USH2A: variants seen among roughly 807,000 people sequenced by gnomAD.
USH2A encodes usherin, also known as Usher syndrome 2A (autosomal recessive, mild).
A neutral mutation model predicts 538.9 loss-of-function variants in USH2A; 443 were observed. That is an observed-to-expected ratio of 0.82 (90% CI 0.76 to 0.89). The LOEUF (loss-of-function observed/expected upper bound fraction) is 0.89. USH2A is among the 40% of genes least tolerant of loss of function. The pLI is 0.00. For synonymous variants in USH2A, 2,413 were observed against 2,273.5 expected (o/e 1.06, Z -1.75); for missense variants, 6,633 against 6,324.8 (o/e 1.05, Z -1.65).
chr1:215,813,897 C>T lies in USH2A; in HGVS notation c.9578G>A (p.Cys3193Tyr). The T allele has an allele frequency of 6.2e-7, 1 of 1,613,648 alleles. No individual in the cohort carries two copies. ...ICYSSEAKVCCNGVLYNPKPG... is the reference protein window; with the variant it reads ...ICYSSEAKVCYNGVLYNPKPG... ...CTTGGGGTTATAGAGCACTCCGTTACAACAAACCTGAAAGTTTGAAAACAG... is the reference window on the plus strand; with the variant it reads ...CTTGGGGTTATAGAGCACTCCGTTATAACAAACCTGAAAGTTTGAAAACAG... The change falls in exon 49 of 72, where the codon TGT becomes TAT. Residue 3193 changes from cysteine to tyrosine, a missense_variant. Cys to Tyr is a radical substitution (Grantham distance 194). Coordinates refer to ENST00000307340, the MANE Select transcript of USH2A (RefSeq NM_206933.4).
intron 47 of USH2A, among the ~76,000 whole-genome samples, chr1:215,830,241 C>A (rs7514073): frequency 0.13 from 19,355 of 152,010 alleles, 1,608 homozygotes; most frequent in African/African-American, 0.23. Context: ...GCCTTGCAAG[C>A]CAGAGAGTAT....
chr1:215,731,885 GT>G (rs1227631344), intron 60 of USH2A, among the ~76,000 whole-genome samples: 3 of 152,184 alleles, frequency 2.0e-5, no homozygotes, highest in Non-Finnish European at 4.4e-5. Flanking sequence ...GAGGAGATAG[GT>G]TGGAGGTCCT....
At chr1:215,683,409 A>G (rs1658308231) in intron 61 of USH2A, among the ~76,000 whole-genome samples, 1 of 152,216 alleles carries the variant, frequency 6.6e-6, no homozygotes, top group South Asian at 2.1e-4. Flanking sequence ...GTTTTAGGAA[A>G]TAATTTATAT....
intron 21 of USH2A, among the ~76,000 whole-genome samples, chr1:216,165,347 A>G (rs2034146249): frequency 6.6e-6 from 1 of 152,188 alleles, no homozygotes; most frequent in Admixed American, 6.6e-5. Context: ...GTTTTCAGCA[A>G]CACAATGTGA....
chr1:215,993,727 C>A (rs1004899014), intron 34 of USH2A, among the ~76,000 whole-genome samples: 1 of 152,084 alleles, frequency 6.6e-6, no homozygotes, highest in Admixed American at 6.6e-5. Flanking sequence ...CATAAAACAA[C>A]AAATACAAAG....
chr1:215,711,343 T>C (rs1254908582), intron 61 of USH2A, among the ~76,000 whole-genome samples: 2 of 152,132 alleles, frequency 1.3e-5, no homozygotes, highest in African/African-American at 4.8e-5. Context: ...ACAGTGCTTG[T>C]TGTAAAAATG....
At chr1:216,244,969 G>A (rs957495692) in intron 13 of USH2A, among the ~76,000 whole-genome samples, 5 of 152,156 alleles carry the variant, frequency 3.3e-5, no homozygotes, top group African/African-American at 9.7e-5. Context: ...TACTTAGAAA[G>A]AAGGATGTAT....
chr1:215,709,699 G>A (rs1659284360), intron 61 of USH2A, among the ~76,000 whole-genome samples: 2 of 150,704 alleles, frequency 1.3e-5, no homozygotes, highest in Admixed American at 1.3e-4. Context: ...TTCCCAGTGG[G>A]AAGTGCTGAC....
intron 38 of USH2A, among the ~76,000 whole-genome samples, chr1:215,908,143 A>G (rs1453015739): frequency 9.0e-5 from 2 of 22,228 alleles, no homozygotes; most frequent in Admixed American, 4.4e-4. Context: ...AGAAAAGGCT[A>G]AGCAACGTCT....
rs553107411 is a variant in USH2A at position 215,801,993 on chromosome 1, A to C, written c.9740-2868T>G. Among the ~76,000 whole-genome samples, 8 of 151,590 alleles carry C rather than the reference A, an allele frequency of 5.3e-5. No homozygotes were observed. The Admixed American group carries it at 5.3e-4, about 10-fold the overall frequency. ...ATATATGGGCAAATGATTTTCAACA[A>C]AAGTGCCAAGACCATTTAATGAGGA... On this transcript the variant is annotated intron_variant, in intron 49 of 71. Transcript: ENST00000307340.
intron 55 of USH2A, among the ~76,000 whole-genome samples, chr1:215,771,741 T>G (rs1052768568): frequency 6.6e-6 from 1 of 151,924 alleles, no homozygotes; most frequent in African/African-American, 2.4e-5. Context: ...ACTATTTGGG[T>G]TCTAATACTT....
At chr1:215,802,516 A>G (rs1158097242) in intron 49 of USH2A, among the ~76,000 whole-genome samples, 2 of 152,048 alleles carry the variant, frequency 1.3e-5, no homozygotes, top group African/African-American at 4.8e-5. Flanking sequence ...ATGAAAATAT[A>G]CTCAATATTA....
At chr1:215,906,288 A>G (rs1665638991) in intron 38 of USH2A, among the ~76,000 whole-genome samples, 1 of 152,080 alleles carries the variant, frequency 6.6e-6, no homozygotes, top group South Asian at 2.1e-4. Context: ...CATACTGTGT[A>G]CAAGGTTATT....
intron 32 of USH2A, among the ~76,000 whole-genome samples, chr1:216,020,141 C>A (rs138979648): frequency 2.0e-5 from 3 of 152,102 alleles, no homozygotes; most frequent in Non-Finnish European, 2.9e-5. Flanking sequence ...TATGACAACA[C>A]CTTTTTTATT....
intron 3 of USH2A, among the ~76,000 whole-genome samples, chr1:216,369,119 C>T (rs2038653738): frequency 6.6e-6 from 1 of 152,064 alleles, no homozygotes; most frequent in Non-Finnish European, 1.5e-5. Context: ...GGAGAAAAGT[C>T]TTGGACTTTC....
intron 41 of USH2A, among the ~76,000 whole-genome samples, chr1:215,884,973 G>A (rs1209945716): frequency 1.3e-5 from 2 of 152,014 alleles, no homozygotes; most frequent in Non-Finnish European, 2.9e-5. Context: ...AGTGGACAGG[G>A]GCATCAAGGT....
intron 3 of USH2A, among the ~76,000 whole-genome samples, chr1:216,412,827 G>A (rs569233128): frequency 1.3e-5 from 2 of 151,876 alleles, no homozygotes; most frequent in East Asian, 3.9e-4. Flanking sequence ...GACTATAAAT[G>A]TAGGCAGGTA....
chr1:216,224,421 C>A (rs537117937), intron 14 of USH2A, among the ~76,000 whole-genome samples: 7 of 151,942 alleles, frequency 4.6e-5, no homozygotes, highest in African/African-American at 1.7e-4. Flanking sequence ...TTTTTTGCTT[C>A]ATTGTTTTCG....
chr1:216,121,963 T>C (rs1445950542), intron 21 of USH2A, among the ~76,000 whole-genome samples: 1 of 152,166 alleles, frequency 6.6e-6, no homozygotes, highest in Non-Finnish European at 1.5e-5. Flanking sequence ...TCCATTCCAG[T>C]GAGGCTCCCA....
Sources: allele counts gnomAD v4.1 joint callset (sites outside exome capture counted in the v4.1 genomes callset), GRCh38; gene constraint gnomAD v4.1.1; transcripts MANE v1.5; gene names NCBI Gene and HGNC (gene_info 2026-07-23, HGNC 2026-07-21).